The following RORA variants were observed in gnomAD, a reference collection of about 807,000 sequenced individuals.
RORA encodes nuclear receptor ROR-alpha.
RORA carries 7 observed loss-of-function variants against 69.5 expected under a neutral mutation model. That is an observed-to-expected ratio of 0.10 (90% confidence interval 0.06 to 0.19). The LOEUF is 0.19. Among genes scored for constraint, RORA ranks in the 10% least tolerant of loss-of-function variants. RORA has a pLI of 1.00. For missense variants in RORA, 457 were observed against 663.0 expected (o/e 0.69, Z 3.41); for synonymous variants, 261 against 240.8 (o/e 1.08, Z -0.78).
intron 1 of RORA, among the ~76,000 whole-genome samples, chr15:61,110,998 T>A (rs2079001817): frequency 6.6e-6 from 1 of 152,210 alleles, no homozygotes; most frequent in African/African-American, 2.4e-5. Context: ...ATAGGAGACT[T>A]CCACAAATGT....
At chr15:60,791,151 G>T (rs2072411325) in intron 1 of RORA, among the ~76,000 whole-genome samples, 1 of 152,144 alleles carries the variant, frequency 6.6e-6, no homozygotes, top group Non-Finnish European at 1.5e-5. Flanking sequence ...GATGTCATGG[G>T]CTCTGAGTTC....
At chr15:60,866,820 TTATCTATCTATC>T (rs535434841) in intron 1 of RORA, among the ~76,000 whole-genome samples, 3 of 146,680 alleles carry the variant, frequency 2.0e-5, no homozygotes, top group African/African-American at 5.1e-5. Context: ...TATCTTATCT[TTATCTATCTATC>T]TATCTATCTA....
intron 1 of RORA, among the ~76,000 whole-genome samples, chr15:60,957,403 T>A (rs1566924788): frequency 6.6e-6 from 1 of 152,224 alleles, no homozygotes; most frequent in African/African-American, 2.4e-5. Context: ...GAAGAACTAG[T>A]AACTGCAAGG....
chr15:61,154,029 A>G (rs1223188948), intron 1 of RORA, among the ~76,000 whole-genome samples: 2 of 152,112 alleles, frequency 1.3e-5, no homozygotes, highest in Non-Finnish European at 2.9e-5. Flanking sequence ...GTGAATCTCA[A>G]ACCCTTATAT....
At chr15:60,747,668 C>A (rs775702000) in intron 1 of RORA, among the ~76,000 whole-genome samples, 1 of 151,994 alleles carries the variant, frequency 6.6e-6, no homozygotes, top group African/African-American at 2.4e-5. Flanking sequence ...CAAGGAGAGG[C>A]GGTTTTGAGA....
At chr15:61,022,282 G>T (rs140821853) in intron 1 of RORA, among the ~76,000 whole-genome samples, 3 of 152,300 alleles carry the variant, frequency 2.0e-5, no homozygotes, top group Admixed American at 6.5e-5. Context: ...GCTTGACAAA[G>T]AAAGACTTCA....
chr15:60,814,933 C>G (rs1324526745), intron 1 of RORA, among the ~76,000 whole-genome samples: 1 of 152,174 alleles, frequency 6.6e-6, no homozygotes, highest in Non-Finnish European at 1.5e-5. Context: ...TAGGGTTTCT[C>G]AACCCTGTAG....
At chr15:60,546,120 C>T (rs1391067925) in intron 2 of RORA, 1 of 152,192 alleles carries the variant, frequency 6.6e-6, no homozygotes, top group Non-Finnish European at 1.5e-5. Flanking sequence ...GTGGCATCTC[C>T]ATCATGGTTG....
intron 1 of RORA, among the ~76,000 whole-genome samples, chr15:60,934,467 T>TTTTTTG (rs899552642): frequency 1.8e-4 from 26 of 147,022 alleles, no homozygotes; most frequent in African/African-American, 6.6e-4. Context: ...GGCCCAAGAG[T>TTTTTTG]TTGTTGTTGT....
chr15:60,691,060 C>T (rs1463482692), intron 1 of RORA, among the ~76,000 whole-genome samples: 1 of 152,200 alleles, frequency 6.6e-6, no homozygotes, highest in Non-Finnish European at 1.5e-5. Context: ...TTCTTCCACA[C>T]TAGCCATCTT....
At chr15:61,011,162 C>A (rs1327854794) in intron 1 of RORA, among the ~76,000 whole-genome samples, 1 of 152,108 alleles carries the variant, frequency 6.6e-6, no homozygotes, top group African/African-American at 2.4e-5. Flanking sequence ...ACACTTCTGG[C>A]TTCTTGTCAT....
chr15:60,513,021 G>A (rs2065752414), intron 4 of RORA, among the ~76,000 whole-genome samples: 1 of 152,182 alleles, frequency 6.6e-6, no homozygotes, highest in Admixed American at 6.5e-5. Flanking sequence ...TATGATCGTA[G>A]TTATAAGAGT....
At chr15:61,070,574 C>T (rs930115319) in intron 1 of RORA, among the ~76,000 whole-genome samples, 10 of 152,356 alleles carry the variant, frequency 6.6e-5, no homozygotes, top group Admixed American at 5.9e-4. Flanking sequence ...TATTCATCTG[C>T]TCATTCATTC....
intron 2 of RORA, among the ~76,000 whole-genome samples, chr15:60,677,548 T>C (rs1167600840): frequency 6.6e-6 from 1 of 151,948 alleles, no homozygotes; most frequent in Non-Finnish European, 1.5e-5. Context: ...GTCAGGCAAC[T>C]TCTCATCCAA....
At chr15:60,959,230 CAG>C (rs1342372350) in intron 1 of RORA, among the ~76,000 whole-genome samples, 1 of 152,174 alleles carries the variant, frequency 6.6e-6, no homozygotes, top group Admixed American at 6.5e-5. Context: ...CTGCTTGACT[CAG>C]TGTAACAGAG....
At chr15:60,835,552 C>T (rs1174399721) in intron 1 of RORA, among the ~76,000 whole-genome samples, 1 of 152,138 alleles carries the variant, frequency 6.6e-6, no homozygotes, top group African/African-American at 2.4e-5. Flanking sequence ...ACGACCTGTG[C>T]CCAACTCACT....
At chr15:61,003,958 T>C (rs1270432142) in intron 1 of RORA, among the ~76,000 whole-genome samples, 5 of 151,866 alleles carry the variant, frequency 3.3e-5, no homozygotes, top group Non-Finnish European at 7.4e-5. Flanking sequence ...ACATGGTCTT[T>C]CTCTCTCTCC....
intron 2 of RORA, among the ~76,000 whole-genome samples, chr15:60,621,216 T>TATATA (rs35729202): frequency 2.4e-4 from 36 of 151,028 alleles, no homozygotes; most frequent in African/African-American, 7.8e-4. Flanking sequence ...ATATATATAT[T>TATATA]TTTTAAGAAA....
intron 1 of RORA, among the ~76,000 whole-genome samples, chr15:60,985,277 T>C (rs11631179): frequency 0.31 from 46,665 of 151,994 alleles, 7,540 homozygotes; most frequent in Middle Eastern, 0.35. Flanking sequence ...AAAGAAGGGA[T>C]TTAGAATTTA....
Sources: gnomAD v4.1 joint callset for allele counts (sites outside exome capture counted in the v4.1 genomes callset) on GRCh38, gnomAD v4.1.1 for gene constraint, MANE v1.5 for transcripts, NCBI Gene and HGNC (gene_info 2026-07-23, HGNC 2026-07-21) for gene names.